The following CASP10 variants were observed in gnomAD, a reference collection of about 807,000 sequenced individuals.
CASP10 encodes caspase-10.
CASP10 carries 41 observed loss-of-function variants against 48.5 expected under a neutral mutation model. The ratio of observed to expected loss-of-function variants is 0.85; its 90% CI spans 0.66 to 1.10. The LOEUF is 1.10. CASP10 is among the 50% of genes least tolerant of loss of function. The pLI is 0.00. For missense variants in CASP10, 614 were observed against 614.5 expected (o/e 1.00, Z 0.01); for synonymous variants, 232 against 238.4 (o/e 0.97, Z 0.25).
chr2:201,207,528 G>A (rs1397896057), intron 7 of CASP10, among the ~76,000 whole-genome samples: 1 of 152,110 alleles, frequency 6.6e-6, no homozygotes, highest in Non-Finnish European at 1.5e-5. Flanking sequence ...GGAGGACGAG[G>A]TGGGCGGATC....
chr2:201,208,299 A>T (rs1559308189), intron 8 of CASP10, 116 bp downstream of exon 8: 2 of 1,443,202 alleles, frequency 1.4e-6, no homozygotes, highest in East Asian at 5.2e-5. Context: ...GGATGATATC[A>T]TGTTTCTGAG....
intron 9 of CASP10, among the ~76,000 whole-genome samples, chr2:201,210,865 T>C (rs568148213): frequency 1.9e-4 from 29 of 152,294 alleles, no homozygotes; most frequent in African/African-American, 6.3e-4. Context: ...TATTATTATT[T>C]TAAAAATTCA....
intron 3 of CASP10, among the ~76,000 whole-genome samples, chr2:201,189,477 T>C (rs1040245402): frequency 2.6e-5 from 4 of 151,766 alleles, no homozygotes; most frequent in African/African-American, 9.7e-5. Flanking sequence ...TTTGGCCAGG[T>C]TGGTCTCAAA....
chr2:201,203,762 T>C lies in CASP10; in HGVS notation c.717T>C (p.Ser239=), dbSNP rs267599152. The stretch of plus-strand genomic sequence containing the variant: ...CCTGGCAAAATAAGCATGCAGGTAG[T>C]AATGGTAGGTATTTCTAATGTACTT... ...QESWQNKHAG[S]NGNRATNGAP... The change falls in exon 6 of 10, where the codon AGT becomes AGC. Residue 239 remains serine, a synonymous_variant. Coordinates refer to ENST00000286186, the MANE Select transcript of CASP10 (RefSeq NM_032977.4). The C allele has an allele frequency of 1.2e-5, 19 of 1,612,818 alleles. No homozygotes were observed. In the South Asian group the frequency reaches 1.9e-4, roughly 16 times the overall value.
intron 9 of CASP10, 126 bp downstream of exon 9, chr2:201,209,688 C>A: frequency 1.1e-6 from 1 of 917,868 alleles, no homozygotes; most frequent in Non-Finnish European, 1.6e-6. Flanking sequence ...CCTGTTCAAC[C>A]ATCTGCCTAC....
intron 5 of CASP10, among the ~76,000 whole-genome samples, chr2:201,203,308 C>CTT (rs34064194): frequency 9.0e-5 from 12 of 133,988 alleles, no homozygotes; most frequent in African/African-American, 1.9e-4. Flanking sequence ...AATGAACTTT[C>CTT]TTTTTTTTTT....
At chr2:201,198,375 C>T (rs1224631656) in intron 5 of CASP10, among the ~76,000 whole-genome samples, 1 of 151,378 alleles carries the variant, frequency 6.6e-6, no homozygotes, top group African/African-American at 2.4e-5. Flanking sequence ...AGGCGCGCAT[C>T]AACACACCTG....
rs1216708278 is a variant in CASP10, at chr2:201,209,167, G to T, written c.1020G>T (p.Lys340Asn). The T allele has an allele frequency of 6.2e-7, 1 of 1,612,282 alleles. No individual in the cohort carries two copies. The highest frequency in any genetic ancestry group is 8.5e-7 in the Non-Finnish European group (1 of 1,179,052). Residue 340 changes from lysine to asparagine, a missense_variant, in exon 9 of 10, where the codon AAG becomes AAT. Coordinates refer to ENST00000286186, the MANE Select transcript of CASP10 (RefSeq NM_032977.4). The stretch of plus-strand genomic sequence containing the variant: ...TGGAGATGGTCCTGCAGAAGCAGAA[G>T]TGCAATCCAGCCCATGCCGACGGGG... ...VEMEMVLQKQ[K>N]CNPAHADGDC...
At chr2:201,206,194 C>T in intron 7 of CASP10, 2 of 443,692 alleles carry the variant, frequency 4.5e-6, no homozygotes, top group South Asian at 4.7e-5. Flanking sequence ...ATCCCTTTGA[C>T]TGTGGAGGAA....
chr2:201,186,077 G>C lies in CASP10; in HGVS notation c.300G>C (p.Glu100Asp). The change falls in exon 2 of 10, where the codon GAG (glutamate) becomes GAC (aspartate). Residue 100 changes from glutamate (E) to aspartate (D), a missense_variant. Physicochemically the swap from Glu to Asp is conservative, Grantham distance 45 (BLOSUM62 2). Transcript: ENST00000286186. ...TGCAGCACCTCAACTGTACCAAAGA[G>C]GAAGTGGAGCGACTGCTGCCCACCC... The part of the protein sequence containing the change: ...KLLQHLNCTK[E>D]EVERLLPTRQ... The C allele has an allele frequency of 6.2e-7, 1 of 1,612,514 alleles. No homozygotes were observed.
intron 3 of CASP10, among the ~76,000 whole-genome samples, chr2:201,192,070 C>T (rs1944630661): frequency 6.6e-6 from 1 of 151,998 alleles, no homozygotes. Flanking sequence ...ACATCTTAGC[C>T]CTTTATTCCT....
chr2:201,214,066 C>T (rs1945490575), intron 9 of CASP10: 1 of 152,134 alleles, frequency 6.6e-6, no homozygotes, highest in Non-Finnish European at 1.5e-5. Flanking sequence ...GGCCATTATA[C>T]ATGCCAATCA....
rs41467044 is a variant in CASP10 at position 201,209,713 on chromosome 2, A to G, written c.1415+151A>G. 506 of 753,522 alleles carry G rather than the reference A, an allele frequency of 6.7e-4. 4 individuals are homozygous for G. Among genetic ancestry groups the G allele is most frequent in the African/African-American group, 5.4e-3 (306 of 56,534 alleles). 46.7% of individuals were successfully genotyped at this position (753,522 alleles called of 1,614,324 possible). A position where few individuals can be genotyped will look rare whatever the true frequency, so the allele number is the denominator to read the frequency against. ...CATCTGCCTACCCTCCTGTTTATCT[A>G]TTTATCCATCTATCCACCCATTCAT... On this transcript the variant is annotated intron_variant, in intron 9 of 9. Transcript: ENST00000286186.
At chr2:201,203,227 T>G (rs1213739866) in intron 5 of CASP10, among the ~76,000 whole-genome samples, 1 of 152,304 alleles carries the variant, frequency 6.6e-6, no homozygotes, top group East Asian at 1.9e-4. Context: ...TCACACTGTA[T>G]TTTTGCCAGT....
chr2:201,218,876 G>A lies in CASP10; in HGVS notation c.*1135G>A. 1 of 985,424 alleles carries A rather than the reference G, an allele frequency of 1.0e-6. No individual in the cohort carries two copies. The allele number at this position is 985,424 out of a possible 1,614,324, so 61.0% of individuals were successfully genotyped here. ...TTTGTGTAAGGAAGGTGCTCACATA[G>A]GAAGTTTTTATTTGGTTAGAGACAG... is the stretch of plus-strand genomic sequence containing the variant. On this transcript the variant is annotated 3_prime_UTR_variant, in exon 10 of 10. Coordinates refer to ENST00000286186, the MANE Select transcript of CASP10 (RefSeq NM_032977.4).
Position 201,220,261 on chromosome 2 carries a change from T to C in CASP10, c.*2520T>C. On this transcript the variant is annotated 3_prime_UTR_variant, in exon 10 of 10. Coordinates refer to ENST00000286186, the MANE Select transcript of CASP10 (RefSeq NM_032977.4). Reference sequence around the variant, plus strand: ...CATTTCAAGGAAATCACTTCTTTTCTAACAGCGAGCAGCCAGAAAGAGAAG... The same window carrying C: ...CATTTCAAGGAAATCACTTCTTTTCCAACAGCGAGCAGCCAGAAAGAGAAG... 13 of 552,526 alleles carry C rather than the reference T, an allele frequency of 2.4e-5. No homozygotes were observed. Among genetic ancestry groups the C allele is most frequent in the Non-Finnish European group, 3.0e-5 (13 of 436,708 alleles). 34.2% of individuals were successfully genotyped at this position (552,526 alleles called of 1,614,324 possible).
At chr2:201,187,821 G>A in intron 3 of CASP10, 22 bp downstream of exon 3, 1 of 1,519,196 alleles carries the variant, frequency 6.6e-7, no homozygotes, top group East Asian at 2.2e-5. Context: ...ATACAGAATG[G>A]GTCTGTGTGA....
intron 4 of CASP10, 45 bp downstream of exon 4, chr2:201,193,164 C>A: frequency 6.3e-7 from 1 of 1,596,456 alleles, no homozygotes. Context: ...CATGGAAATT[C>A]TTAAACCAAT....
chr2:201,197,480 T>G (rs1330444987), intron 5 of CASP10, among the ~76,000 whole-genome samples: 1 of 152,148 alleles, frequency 6.6e-6, no homozygotes, highest in Non-Finnish European at 1.5e-5. Context: ...CTGGGCGTGG[T>G]GGTGCATGCC....
Sources: gnomAD v4.1 joint callset for allele counts (sites outside exome capture counted in the v4.1 genomes callset) on GRCh38, gnomAD v4.1.1 for gene constraint, MANE v1.5 for transcripts, NCBI Gene and HGNC (gene_info 2026-07-23, HGNC 2026-07-21) for gene names.